The following CNTNAP2 variants were observed in gnomAD, a reference collection of about 807,000 sequenced individuals.
The protein encoded by CNTNAP2 is contactin-associated protein-like 2.
CNTNAP2 carries 98 observed loss-of-function variants against 155.2 expected under a neutral mutation model. The observed-to-expected ratio is 0.63, with a 90% CI of 0.54 to 0.75. CNTNAP2 has a LOEUF of 0.75. CNTNAP2 is among the 30% of genes least tolerant of loss of function. CNTNAP2 has a pLI of 0.00. For synonymous variants in CNTNAP2, 651 were observed against 631.2 expected, an observed-to-expected ratio of 1.03 and a Z score of -0.47; for missense variants, 1,727 against 1,688.1, an observed-to-expected ratio of 1.02 and a Z score of -0.40.
chr7:146,134,575 A>G (rs1433210575), intron 1 of CNTNAP2, among the ~76,000 whole-genome samples: 3 of 150,288 alleles, frequency 2.0e-5, no homozygotes, highest in African/African-American at 7.3e-5. Flanking sequence ...ATTATTTTGA[A>G]ATATGTCCCA....
chr7:147,079,773 A>G (rs972160045), intron 4 of CNTNAP2, among the ~76,000 whole-genome samples: 3 of 152,094 alleles, frequency 2.0e-5, no homozygotes, highest in Non-Finnish European at 2.9e-5. Flanking sequence ...ATTAAAAACA[A>G]TGACAACAGC....
chr7:146,173,135 T>TA (rs1798418514), intron 1 of CNTNAP2, among the ~76,000 whole-genome samples: 4 of 152,222 alleles, frequency 2.6e-5, no homozygotes, highest in African/African-American at 4.8e-5. Context: ...CAAAGGATTT[T>TA]TAAAAAAAAC....
At chr7:147,840,782 A>T (rs544189777) in intron 13 of CNTNAP2, among the ~76,000 whole-genome samples, 5 of 152,304 alleles carry the variant, frequency 3.3e-5, no homozygotes, top group Admixed American at 2.0e-4. Context: ...TACTCACATC[A>T]CATCTCTAAG....
intron 9 of CNTNAP2, among the ~76,000 whole-genome samples, chr7:147,365,733 T>G (rs1796218828): frequency 6.6e-6 from 1 of 152,186 alleles, no homozygotes; most frequent in Non-Finnish European, 1.5e-5. Context: ...CAAAGTTATA[T>G]TTCCTATTTT....
chr7:148,036,699 AGTTAT>A (rs1403568825), intron 15 of CNTNAP2, among the ~76,000 whole-genome samples: 1 of 152,178 alleles, frequency 6.6e-6, no homozygotes, highest in East Asian at 1.9e-4. Context: ...TAAGACGAGC[AGTTAT>A]GTTATTTACC....
rs186892288 is a variant in CNTNAP2 at position 146,472,544 on chromosome 7, A to G, written c.98-301727A>G. Among the ~76,000 whole-genome samples the G allele has an allele frequency of 3.1e-4, 47 of 152,290 alleles. No homozygotes were observed. In the South Asian group the frequency reaches 8.9e-3, roughly 29 times the overall value. ...TTCATCATTAATCTAAAAATGTATTACTACCCAACACTTACATAACCATAC... is the reference window on the plus strand; with the variant it reads ...TTCATCATTAATCTAAAAATGTATTGCTACCCAACACTTACATAACCATAC... On this transcript the variant is annotated intron_variant, in intron 1 of 23. Coordinates refer to ENST00000361727, the MANE Select transcript of CNTNAP2 (RefSeq NM_014141.6).
chr7:148,221,636 C>T (rs1563000323), intron 19 of CNTNAP2, among the ~76,000 whole-genome samples: 1 of 152,160 alleles, frequency 6.6e-6, no homozygotes, highest in Non-Finnish European at 1.5e-5. Context: ...AAGGTCTACG[C>T]CAAAGTATCA....
intron 1 of CNTNAP2, among the ~76,000 whole-genome samples, chr7:146,469,234 C>T (rs558162509): frequency 1.3e-5 from 2 of 152,056 alleles, no homozygotes; most frequent in Admixed American, 1.3e-4. Context: ...TCACAGCAAC[C>T]CTTCTCCTTC....
In CNTNAP2 at chr7:148,033,657, A is replaced by T. The variant is rs148713879; in HGVS notation, c.2383+55668A>T. ...ATCTGTTAGATTTTTGACTGCACAT[A>T]TTAGCTTTAAGAAATTAGAATTGAG... On this transcript the variant is annotated intron_variant, in intron 15 of 23. Coordinates refer to ENST00000361727, the MANE Select transcript of CNTNAP2 (RefSeq NM_014141.6). Among the ~76,000 whole-genome samples the T allele has an allele frequency of 2.0e-5, 3 of 152,292 alleles. No homozygotes were observed. The East Asian group carries it at 5.8e-4, about 29-fold the overall frequency.
chr7:148,123,386 A>G (rs991965635), intron 16 of CNTNAP2, among the ~76,000 whole-genome samples: 2 of 152,080 alleles, frequency 1.3e-5, no homozygotes, highest in Admixed American at 1.3e-4. Context: ...CCAAAAGTTT[A>G]AGACCAGCCT....
intron 1 of CNTNAP2, among the ~76,000 whole-genome samples, chr7:146,339,674 A>G (rs1320524135): frequency 6.6e-6 from 1 of 152,204 alleles, no homozygotes; most frequent in Non-Finnish European, 1.5e-5. Context: ...ACTTAGGTCT[A>G]TATGGAAATT....
intron 1 of CNTNAP2, among the ~76,000 whole-genome samples, chr7:146,428,269 G>A (rs907477289): frequency 6.6e-6 from 1 of 152,058 alleles, no homozygotes; most frequent in Non-Finnish European, 1.5e-5. Context: ...CCCATATTGG[G>A]ACTGCTGGGT....
At chr7:147,077,382 C>G (rs1800018577) in intron 4 of CNTNAP2, among the ~76,000 whole-genome samples, 1 of 151,934 alleles carries the variant, frequency 6.6e-6, no homozygotes, top group Admixed American at 6.6e-5. Context: ...CAATTGCACA[C>G]TTTATTTAGT....
chr7:148,187,999 A>G (rs6976859), intron 18 of CNTNAP2, among the ~76,000 whole-genome samples: 8,228 of 151,980 alleles, frequency 0.054, 441 homozygotes, highest in East Asian at 0.14. Context: ...GCGTGCACAC[A>G]CATGCACACA....
chr7:146,833,441 T>G (rs974596756), intron 2 of CNTNAP2, among the ~76,000 whole-genome samples: 2 of 152,126 alleles, frequency 1.3e-5, no homozygotes, highest in Admixed American at 1.3e-4. Flanking sequence ...TTTTGGGACT[T>G]TCTCTACTCA....
intron 3 of CNTNAP2, among the ~76,000 whole-genome samples, chr7:146,978,369 A>G (rs975570876): frequency 6.6e-6 from 1 of 152,132 alleles, no homozygotes; most frequent in African/African-American, 2.4e-5. Flanking sequence ...GCACCAGCTG[A>G]GTATCACCAG....
intron 1 of CNTNAP2, among the ~76,000 whole-genome samples, chr7:146,493,691 C>T (rs696773): frequency 0.68 from 102,899 of 151,874 alleles, 35,402 homozygotes; most frequent in African/African-American, 0.78. Flanking sequence ...AAGCCACCCA[C>T]TGTCTCTGGG....
intron 11 of CNTNAP2, among the ~76,000 whole-genome samples, chr7:147,493,096 G>A (rs780501757): frequency 1.1e-4 from 17 of 152,118 alleles, no homozygotes; most frequent in Admixed American, 2.0e-4. Context: ...TTTACTTTGA[G>A]TGTAAGTCGC....
At chr7:146,843,519 A>G in intron 3 of CNTNAP2, among the ~76,000 whole-genome samples, 1 of 151,922 alleles carries the variant, frequency 6.6e-6, no homozygotes, top group East Asian at 1.9e-4. Flanking sequence ...AAATATATTT[A>G]AGTACCAGTA....
Sources: allele counts gnomAD v4.1 joint callset (sites outside exome capture counted in the v4.1 genomes callset), GRCh38; gene constraint gnomAD v4.1.1; transcripts MANE v1.5; gene names NCBI Gene and HGNC (gene_info 2026-07-23, HGNC 2026-07-21).